TMEM131: variants seen among roughly 807,000 people sequenced by gnomAD.
TMEM131 encodes the protein 2610524E03Rik.
Under a neutral mutation model 211.6 loss-of-function variants are expected in TMEM131, and 66 were observed. That is an observed-to-expected ratio of 0.31 (90% CI 0.26 to 0.38). The LOEUF is 0.38. Among genes scored for constraint, TMEM131 ranks in the 10% least tolerant of loss-of-function variants. TMEM131 has a pLI of 1.00. For synonymous variants in TMEM131, 844 were observed against 841.3 expected, an observed-to-expected ratio of 1.00 and a Z score of -0.06; for missense variants, 2,036 against 2,299.3, an observed-to-expected ratio of 0.89 and a Z score of 2.34.
At chr2:97,892,586 C>A (rs1288079988) in intron 3 of TMEM131, among the ~76,000 whole-genome samples, 1 of 152,200 alleles carries the variant, frequency 6.6e-6, no homozygotes. Context: ...TAGTTTCAAA[C>A]TCCTAGTCTC....
At chr2:97,843,044 T>TG (rs1169749565) in intron 6 of TMEM131, among the ~76,000 whole-genome samples, 1 of 144,018 alleles carries the variant, frequency 6.9e-6, no homozygotes, top group Non-Finnish European at 1.5e-5. Context: ...TCAGAGTTAA[T>TG]GGGTACTGGG....
chr2:97,906,397 ATTCT>A (rs1341147135), intron 3 of TMEM131, among the ~76,000 whole-genome samples: 2 of 152,200 alleles, frequency 1.3e-5, no homozygotes, highest in African/African-American at 4.8e-5. Flanking sequence ...ACAGTTGTAA[ATTCT>A]GTCTACAAAC....
intron 1 of TMEM131, among the ~76,000 whole-genome samples, chr2:97,965,372 C>T (rs760263291): frequency 2.6e-5 from 4 of 152,204 alleles, no homozygotes; most frequent in African/African-American, 4.8e-5. Flanking sequence ...CTGAGAGTTC[C>T]GGGCTGTGAG....
intron 1 of TMEM131, among the ~76,000 whole-genome samples, chr2:97,961,947 C>G (rs1318073717): frequency 6.6e-6 from 1 of 152,042 alleles, no homozygotes; most frequent in Non-Finnish European, 1.5e-5. Context: ...TTACATATTC[C>G]CATTATTTGA....
chr2:97,970,107 A>G (rs1037144403), intron 1 of TMEM131, among the ~76,000 whole-genome samples: 3 of 152,254 alleles, frequency 2.0e-5, no homozygotes, highest in Non-Finnish European at 2.9e-5. Context: ...ACACATCTTA[A>G]GGTGTATCCA....
chr2:97,930,059 T>C (rs983525056), intron 1 of TMEM131, among the ~76,000 whole-genome samples: 1 of 151,804 alleles, frequency 6.6e-6, no homozygotes, highest in African/African-American at 2.4e-5. Flanking sequence ...AAACTGAAAT[T>C]TCACAGGATC....
chr2:97,879,371 T>C (rs1674828466), intron 4 of TMEM131, among the ~76,000 whole-genome samples: 1 of 152,244 alleles, frequency 6.6e-6, no homozygotes. Context: ...AGATATATTA[T>C]GGTCCTCAGT....
chr2:97,927,954 G>A (rs1367033680), intron 1 of TMEM131, among the ~76,000 whole-genome samples: 1 of 152,166 alleles, frequency 6.6e-6, no homozygotes, highest in Non-Finnish European at 1.5e-5. Context: ...TGGTGAGGAA[G>A]TGGGCAGGGA....
intron 31 of TMEM131, among the ~76,000 whole-genome samples, chr2:97,786,359 C>T (rs1465945072): frequency 6.6e-6 from 1 of 151,894 alleles, no homozygotes; most frequent in Non-Finnish European, 1.5e-5. Flanking sequence ...ATAGGGATAC[C>T]CTGTCTCTCC....
chr2:97,885,525 T>C (rs778934098), intron 4 of TMEM131, among the ~76,000 whole-genome samples: 3 of 152,178 alleles, frequency 2.0e-5, no homozygotes, highest in Non-Finnish European at 4.4e-5. Context: ...ATTTCTGAAA[T>C]GTAGCTTTGC....
chr2:97,904,359 T>C (rs1208152679), intron 3 of TMEM131, among the ~76,000 whole-genome samples: 3 of 151,568 alleles, frequency 2.0e-5, no homozygotes, highest in Non-Finnish European at 4.4e-5. Context: ...TATAAAAAGG[T>C]AGCTATGGGG....
Position 97,973,307 on chromosome 2 carries a change from C to T in TMEM131, c.187+22169G>A, listed in dbSNP as rs529319625. ...ATCCTGAAGCAACCAGAAACTCACA[C>T]GAACTGCATTAATTAAATGATCATT... On this transcript the variant is annotated intron_variant, in intron 1 of 40. Coordinates refer to ENST00000186436, the MANE Select transcript of TMEM131 (RefSeq NM_015348.2). 6.6e-5 allele frequency among the ~76,000 whole-genome samples: 10 copies of T among 152,300 alleles called. 1 individual carries two copies. The South Asian group carries it at 1.2e-3, about 19-fold the overall frequency.
intron 5 of TMEM131, among the ~76,000 whole-genome samples, chr2:97,846,480 A>G (rs1485527879): frequency 6.6e-6 from 1 of 152,220 alleles, no homozygotes; most frequent in South Asian, 2.1e-4. Flanking sequence ...ACAAAATTGA[A>G]TATCAAGTCA....
In TMEM131 at chr2:97,766,151, C is replaced by T. The variant is rs376329900; in HGVS notation, c.4686G>A (p.Pro1562=). The change falls in exon 35 of 41, where the codon CCG becomes CCA. Residue 1562 remains proline (P), a synonymous_variant. Coordinates refer to ENST00000186436, the MANE Select transcript of TMEM131 (RefSeq NM_015348.2). ...SSEGEKDSPP[P]EWDSVPVHKP... is the part of the protein sequence containing the mutation. ...TGTGAACTGGAACGGAATCCCACTCCGGTGGAGGAGAGTCTTTTTCACCCT... is the reference window on the plus strand; with the variant it reads ...TGTGAACTGGAACGGAATCCCACTCTGGTGGAGGAGAGTCTTTTTCACCCT... 192 of 1,614,010 alleles carry T rather than the reference C, an allele frequency of 1.2e-4. No individual in the cohort carries two copies. The highest frequency in any genetic ancestry group is 6.0e-4 in the Admixed American group (36 of 60,026).
intron 39 of TMEM131, 63 bp from the exon 40 acceptor site, chr2:97,759,116 G>A: frequency 6.3e-7 from 1 of 1,594,914 alleles, no homozygotes; most frequent in Admixed American, 1.7e-5. Context: ...TATAGCATAT[G>A]GGGCTTCACT....
intron 1 of TMEM131, among the ~76,000 whole-genome samples, chr2:97,965,214 G>A (rs1183537303): frequency 6.6e-6 from 1 of 152,154 alleles, no homozygotes; most frequent in African/African-American, 2.4e-5. Flanking sequence ...CTTTGCTTGG[G>A]GAAATTCACA....
intron 1 of TMEM131, among the ~76,000 whole-genome samples, chr2:97,943,574 TAA>T (rs547557942): frequency 2.1e-4 from 32 of 152,300 alleles, no homozygotes; most frequent in African/African-American, 6.7e-4. Context: ...TTAATAATGT[TAA>T]AATGGTAATA....
intron 1 of TMEM131, among the ~76,000 whole-genome samples, chr2:97,937,123 T>C (rs1677482131): frequency 6.6e-6 from 1 of 152,030 alleles, no homozygotes; most frequent in African/African-American, 2.4e-5. Context: ...AGACTTTAAA[T>C]AAGCTATTTT....
chr2:97,760,450 T>A, intron 38 of TMEM131, 143 bp downstream of exon 38: 1 of 771,384 alleles, frequency 1.3e-6, no homozygotes. Context: ...ACATGATTTC[T>A]TAGAGGCACT....
Sources: allele counts gnomAD v4.1 joint callset (sites outside exome capture counted in the v4.1 genomes callset), GRCh38; gene constraint gnomAD v4.1.1; transcripts MANE v1.5; gene names NCBI Gene and HGNC (gene_info 2026-07-23, HGNC 2026-07-21).